The following COL25A1 variants were observed in gnomAD, a reference collection of about 807,000 sequenced individuals.
COL25A1 encodes the protein collagen type XXV alpha 1 chain.
In COL25A1, 103 loss-of-function variants were observed where a neutral mutation model predicts 128.4. The observed-to-expected ratio is 0.80, with a 90% CI of 0.68 to 0.94. The LOEUF (loss-of-function observed/expected upper bound fraction) is 0.94. Ranked by LOEUF, COL25A1 falls within the 40% of genes least tolerant of loss-of-function variation. The probability of loss-of-function intolerance (pLI) is 0.00; values close to 1 mark genes in which losing one functional copy is unlikely to be tolerated. For synonymous variants in COL25A1, 279 were observed against 277.2 expected (o/e 1.01, Z -0.06); for missense variants, 745 against 840.0 (o/e 0.89, Z 1.40).
Position 109,095,148 on chromosome 4 carries a change from C to T in COL25A1, c.368-44969G>A, listed in dbSNP as rs1226076308. Among the ~76,000 whole-genome samples, 5 of 152,174 alleles carry T rather than the reference C, an allele frequency of 3.3e-5. No individual in the cohort carries two copies. The East Asian group carries it at 9.6e-4, about 29-fold the overall frequency. On this transcript the variant is annotated intron_variant, in intron 3 of 37. Coordinates refer to ENST00000399132, the MANE Select transcript of COL25A1 (RefSeq NM_198721.4). ...TAACAAAATGAGTTACTTCAATATT[C>T]AAAGTAATGAGTTAAAGTTTCAGAA...
intron 3 of COL25A1, among the ~76,000 whole-genome samples, chr4:109,295,502 A>G (rs142706572): frequency 6.6e-6 from 1 of 152,060 alleles, no homozygotes; most frequent in African/African-American, 2.4e-5. Context: ...ACTATGCTTT[A>G]CCTTACATAA....
intron 16 of COL25A1, among the ~76,000 whole-genome samples, chr4:108,893,754 T>C (rs910276555): frequency 6.6e-6 from 1 of 152,196 alleles, no homozygotes; most frequent in Non-Finnish European, 1.5e-5. Flanking sequence ...TTTCACATAC[T>C]GAACACAAAG....
intron 3 of COL25A1, among the ~76,000 whole-genome samples, chr4:109,127,810 C>T (rs947378350): frequency 1.3e-5 from 2 of 152,110 alleles, no homozygotes; most frequent in Non-Finnish European, 2.9e-5. Context: ...AAGGACGCTG[C>T]TTTGCGAGTA....
chr4:108,912,527 T>C (rs989166469), intron 13 of COL25A1, among the ~76,000 whole-genome samples: 16 of 152,132 alleles, frequency 1.1e-4, no homozygotes, highest in Admixed American at 9.8e-4. Context: ...ACATACTGCA[T>C]AATAAATTAC....
chr4:109,186,185 G>C (rs909090282), intron 3 of COL25A1, among the ~76,000 whole-genome samples: 1 of 151,800 alleles, frequency 6.6e-6, no homozygotes, highest in African/African-American at 2.4e-5. Flanking sequence ...ACCACGTGCT[G>C]ACTGCTGTGC....
At chr4:108,995,992 C>A (rs1051016729) in intron 6 of COL25A1, among the ~76,000 whole-genome samples, 1 of 152,068 alleles carries the variant, frequency 6.6e-6, no homozygotes, top group Non-Finnish European at 1.5e-5. Context: ...AAGGAACAAC[C>A]GGTACCAGCC....
intron 3 of COL25A1, among the ~76,000 whole-genome samples, chr4:109,166,555 G>A (rs1773091774): frequency 6.6e-6 from 1 of 152,136 alleles, no homozygotes; most frequent in African/African-American, 2.4e-5. Flanking sequence ...ACTGTATTTG[G>A]AGTTGGAACA....
chr4:109,298,298 T>C (rs1247097708), intron 3 of COL25A1, among the ~76,000 whole-genome samples: 1 of 152,206 alleles, frequency 6.6e-6, no homozygotes, highest in Non-Finnish European at 1.5e-5. Context: ...CCTTAGAGCC[T>C]ACCTGAATAA....
intron 30 of COL25A1, among the ~76,000 whole-genome samples, chr4:108,843,892 T>G (rs200307152): frequency 4.2e-5 from 1 of 23,568 alleles, no homozygotes; most frequent in African/African-American, 1.1e-4. Context: ...ATTATTACTA[T>G]TATTATTATT....
intron 32 of COL25A1, among the ~76,000 whole-genome samples, chr4:108,829,337 T>TA (rs1468584310): frequency 6.6e-6 from 1 of 152,024 alleles, no homozygotes; most frequent in African/African-American, 2.4e-5. Flanking sequence ...ACCCTATCTC[T>TA]AAAAAAACAA....
At chr4:109,086,420 G>C (rs1205995417) in intron 3 of COL25A1, among the ~76,000 whole-genome samples, 1 of 152,186 alleles carries the variant, frequency 6.6e-6, no homozygotes, top group Non-Finnish European at 1.5e-5. Flanking sequence ...GAAGTTGGAA[G>C]AACAGTGGGG....
At chr4:108,844,305 G>C (rs975640946) in intron 30 of COL25A1, among the ~76,000 whole-genome samples, 3 of 152,164 alleles carry the variant, frequency 2.0e-5, no homozygotes, top group African/African-American at 7.2e-5. Flanking sequence ...CACCTCTGTC[G>C]CAAAACTACT....
At chr4:108,901,319 G>T in intron 13 of COL25A1, 147 bp from the exon 14 acceptor site, 1 of 626,928 alleles carries the variant, frequency 1.6e-6, no homozygotes, top group Non-Finnish European at 2.8e-6. Context: ...TAGCTTCCAT[G>T]GTCCAAAACG....
intron 5 of COL25A1, among the ~76,000 whole-genome samples, chr4:109,011,857 T>C (rs72670329): frequency 2.7e-3 from 412 of 152,352 alleles, no homozygotes; most frequent in Middle Eastern, 0.01. Flanking sequence ...TGCCACAGCA[T>C]GAATCTTTGC....
intron 3 of COL25A1, among the ~76,000 whole-genome samples, chr4:109,097,725 G>A (rs1315382971): frequency 2.7e-4 from 39 of 144,522 alleles, no homozygotes; most frequent in African/African-American, 3.6e-4. Flanking sequence ...GTGCAGTGGC[G>A]CGATCTTGGC....
At chr4:108,864,946 G>A (rs1578586240) in intron 20 of COL25A1, among the ~76,000 whole-genome samples, 1 of 152,176 alleles carries the variant, frequency 6.6e-6, no homozygotes, top group African/African-American at 2.4e-5. Context: ...GATGGTACTC[G>A]ATCTTCAACT....
At chr4:108,910,793 C>T (rs1328942978) in intron 13 of COL25A1, among the ~76,000 whole-genome samples, 2 of 152,132 alleles carry the variant, frequency 1.3e-5, no homozygotes, top group African/African-American at 4.8e-5. Context: ...GCTAAGATGC[C>T]TATAACATTT....
chr4:109,171,591 AAAT>A (rs1204464771), intron 3 of COL25A1, among the ~76,000 whole-genome samples: 1 of 152,334 alleles, frequency 6.6e-6, no homozygotes, highest in East Asian at 1.9e-4. Flanking sequence ...TAAAAAGTGA[AAAT>A]AAGAGGAGAA....
chr4:108,905,857 GGGTGC>G (rs1743435533), intron 13 of COL25A1, among the ~76,000 whole-genome samples: 1 of 148,450 alleles, frequency 6.7e-6, no homozygotes, highest in African/African-American at 2.5e-5. Context: ...TGTCGGGGGG[GGGTGC>G]GGGGGGAGGC....
Sources: allele counts gnomAD v4.1 joint callset (sites outside exome capture counted in the v4.1 genomes callset), GRCh38; gene constraint gnomAD v4.1.1; transcripts MANE v1.5; gene names NCBI Gene and HGNC (gene_info 2026-07-23, HGNC 2026-07-21).